The following MSRA variants were observed in gnomAD, a reference collection of about 807,000 sequenced individuals.
MSRA encodes the protein mitochondrial peptide methionine sulfoxide reductase.
In MSRA, 54 loss-of-function variants were observed where a neutral mutation model predicts 31.3. That is an observed-to-expected ratio of 1.73 (90% CI 1.39 to 2.17). The LOEUF (loss-of-function observed/expected upper bound fraction) is 2.17, where lower values mean the gene tolerates loss of function less well. MSRA is among the 30% of genes most tolerant of loss of function. The probability of loss-of-function intolerance (pLI) is 0.00; values close to 1 mark genes in which losing one functional copy is unlikely to be tolerated. For missense variants in MSRA, 507 were observed against 300.9 expected, an observed-to-expected ratio of 1.69 and a Z score of -5.07; for synonymous variants, 169 against 116.5, an observed-to-expected ratio of 1.45 and a Z score of -2.90.
chr8:10,216,410 T>G (rs1809991551), intron 2 of MSRA, among the ~76,000 whole-genome samples: 1 of 150,210 alleles, frequency 6.7e-6, no homozygotes, highest in African/African-American at 2.5e-5. Context: ...TAAAAAATTG[T>G]GGTAACAGAT....
At chr8:10,332,817 T>C (rs2129144881) in intron 5 of MSRA, among the ~76,000 whole-genome samples, 1 of 152,346 alleles carries the variant, frequency 6.6e-6, no homozygotes, top group African/African-American at 2.4e-5. Context: ...AAGGAAAAGC[T>C]TGTAATAATG....
intron 5 of MSRA, among the ~76,000 whole-genome samples, chr8:10,378,637 T>C (rs1487124096): frequency 1.3e-5 from 2 of 152,148 alleles, no homozygotes; most frequent in African/African-American, 4.8e-5. Flanking sequence ...CAGCTCCGCG[T>C]CCCTTCTTCA....
At chr8:10,149,249 G>A (rs1300224152) in intron 1 of MSRA, among the ~76,000 whole-genome samples, 1 of 152,004 alleles carries the variant, frequency 6.6e-6, no homozygotes, top group Non-Finnish European at 1.5e-5. Context: ...AGCCTCCCAA[G>A]TATCTGGGAT....
chr8:10,299,040 TC>T, intron 3 of MSRA, among the ~76,000 whole-genome samples: 1 of 152,196 alleles, frequency 6.6e-6, no homozygotes, highest in Admixed American at 6.5e-5. Flanking sequence ...TTTCATTGTA[TC>T]CTCAACAGCA....
At chr8:10,173,314 T>C (rs1200757427) in intron 1 of MSRA, among the ~76,000 whole-genome samples, 3 of 152,236 alleles carry the variant, frequency 2.0e-5, no homozygotes, top group African/African-American at 4.8e-5. Flanking sequence ...GTGTCAGCAA[T>C]ATCACACCCA....
chr8:10,320,168 G>C, intron 5 of MSRA, 179 bp downstream of exon 5: 1 of 460,370 alleles, frequency 2.2e-6, no homozygotes, highest in Non-Finnish European at 3.9e-6. Flanking sequence ...TGCTAAATGA[G>C]GTTTTAAGAG....
chr8:10,089,840 G>C (rs1798770319), intron 1 of MSRA, among the ~76,000 whole-genome samples: 1 of 152,198 alleles, frequency 6.6e-6, no homozygotes, highest in Non-Finnish European at 1.5e-5. Context: ...TATTCCTTTA[G>C]AAACAGTCCC....
At chr8:10,412,932 TTTAATATACTTCCACCTAC>T (rs1808241602) in intron 5 of MSRA, among the ~76,000 whole-genome samples, 1 of 152,248 alleles carries the variant, frequency 6.6e-6, no homozygotes, top group African/African-American at 2.4e-5. Flanking sequence ...TTTCCCATCA[TTTAATATACTTCCACCTAC>T]TGTGAGCCAG....
chr8:10,412,342 C>T (rs1008514964), intron 5 of MSRA, among the ~76,000 whole-genome samples: 2 of 152,186 alleles, frequency 1.3e-5, no homozygotes, highest in African/African-American at 4.8e-5. Context: ...TTCTGGTTCC[C>T]TGGTACTTTG....
intron 1 of MSRA, among the ~76,000 whole-genome samples, chr8:10,083,308 T>C (rs1482244712): frequency 6.6e-6 from 1 of 152,256 alleles, no homozygotes; most frequent in Non-Finnish European, 1.5e-5. Context: ...GCTAATATTC[T>C]AATTGAGAGA....
intron 4 of MSRA, among the ~76,000 whole-genome samples, chr8:10,303,758 G>A (rs565624675): frequency 5.3e-5 from 8 of 152,224 alleles, no homozygotes; most frequent in Non-Finnish European, 1.2e-4. Context: ...TTAAGGGTAG[G>A]GCGAGAGATC....
At chr8:10,405,701 A>G (rs553891210) in intron 5 of MSRA, among the ~76,000 whole-genome samples, 52 of 152,376 alleles carry the variant, frequency 3.4e-4, no homozygotes, top group African/African-American at 1.2e-3. Context: ...GGAAGAATGC[A>G]TACACAACCA....
chr8:10,224,391 C>T (rs1810806560), intron 2 of MSRA, among the ~76,000 whole-genome samples: 1 of 152,114 alleles, frequency 6.6e-6, no homozygotes, highest in South Asian at 2.1e-4. Flanking sequence ...TCGCTACAGC[C>T]CACACACCTC....
chr8:10,325,897 G>C (rs1171178261), intron 5 of MSRA, among the ~76,000 whole-genome samples: 2 of 152,194 alleles, frequency 1.3e-5, no homozygotes, highest in Non-Finnish European at 2.9e-5. Context: ...AGGTGTTTAA[G>C]GTAGGGAGGG....
intron 3 of MSRA, among the ~76,000 whole-genome samples, chr8:10,289,733 C>G (rs1379531559): frequency 6.6e-6 from 1 of 152,164 alleles, no homozygotes; most frequent in East Asian, 1.9e-4. Context: ...TCTTTTAACT[C>G]TGAGGTGGAA....
rs988895259 is a variant in MSRA, at chr8:10,176,422, A to T, written c.143-31411A>T. Among the ~76,000 whole-genome samples, 4 of 152,256 alleles carry T rather than the reference A, an allele frequency of 2.6e-5. No individual in the cohort carries two copies. The East Asian group carries it at 5.8e-4, about 22-fold the overall frequency. On this transcript the variant is annotated intron_variant, in intron 1 of 5. Transcript: ENST00000317173. Reference sequence around the variant, plus strand: ...AGAAGGGGACTGAGGGGATGTGAGGATGGTGGACTTTGTGTGGTGCCAGGA... The same window carrying T: ...AGAAGGGGACTGAGGGGATGTGAGGTTGGTGGACTTTGTGTGGTGCCAGGA...
At chr8:10,262,639 T>A (rs1387159559) in intron 3 of MSRA, among the ~76,000 whole-genome samples, 2 of 152,234 alleles carry the variant, frequency 1.3e-5, no homozygotes, top group Non-Finnish European at 2.9e-5. Flanking sequence ...GAATGTGTCC[T>A]CCCAGTCTGT....
chr8:10,361,741 C>A (rs142861523), intron 5 of MSRA, among the ~76,000 whole-genome samples: 1 of 152,230 alleles, frequency 6.6e-6, no homozygotes, highest in Non-Finnish European at 1.5e-5. Context: ...TGTAAGGAGG[C>A]ACCTACTTAA....
At chr8:10,401,500 T>C (rs1186030362) in intron 5 of MSRA, among the ~76,000 whole-genome samples, 2 of 152,224 alleles carry the variant, frequency 1.3e-5, no homozygotes, top group African/African-American at 4.8e-5. Flanking sequence ...TGGAAACAGT[T>C]AGACAGTTCC....
Sources: gnomAD v4.1 joint callset for allele counts (sites outside exome capture counted in the v4.1 genomes callset) on GRCh38, gnomAD v4.1.1 for gene constraint, MANE v1.5 for transcripts, NCBI Gene and HGNC (gene_info 2026-07-23, HGNC 2026-07-21) for gene names.